NINL: variants seen among roughly 807,000 people sequenced by gnomAD.
The protein encoded by NINL is ninein like, also known as ninein-like protein.
Under a neutral mutation model 160.3 loss-of-function variants are expected in NINL, and 153 were observed. The ratio of observed to expected loss-of-function variants is 0.95; its 90% CI spans 0.84 to 1.09. The LOEUF (loss-of-function observed/expected upper bound fraction) is 1.09. Ranked by LOEUF, NINL falls within the 50% of genes least tolerant of loss-of-function variation. The pLI is 0.00. For missense variants in NINL, 1,829 were observed against 1,764.0 expected, an observed-to-expected ratio of 1.04 and a Z score of -0.66; for synonymous variants, 800 against 734.8, an observed-to-expected ratio of 1.09 and a Z score of -1.43.
chr20:25,564,889 T>C (rs1250435330), intron 1 of NINL, among the ~76,000 whole-genome samples: 1 of 151,098 alleles, frequency 6.6e-6, no homozygotes, highest in Non-Finnish European at 1.5e-5. Flanking sequence ...ACCTAAAAAC[T>C]GAAGAGACAG....
chr20:25,496,732 TTCC>T lies in NINL; in HGVS notation c.1238_1240del (p.Arg413del). The T allele has an allele frequency of 6.2e-7, 1 of 1,613,962 alleles. No individual in the cohort carries two copies. Among genetic ancestry groups the T allele is most frequent in the Non-Finnish European group, 8.5e-7 (1 of 1,180,002 alleles). Reference sequence around the variant, plus strand: ...GTCCATCTCTTTCACAAACTCCAGGTTCCTCTTCTCGGCCCTCTCCAGGTCCTG... The same window carrying T: ...GTCCATCTCTTTCACAAACTCCAGGTTCTTCTCGGCCCTCTCCAGGTCCTG... On this transcript the variant is annotated inframe_deletion, in exon 10 of 24. Coordinates refer to ENST00000278886, the MANE Select transcript of NINL (RefSeq NM_025176.6).
chr20:25,501,414 A>G (rs2063865679), intron 7 of NINL, among the ~76,000 whole-genome samples: 1 of 152,236 alleles, frequency 6.6e-6, no homozygotes, highest in Non-Finnish European at 1.5e-5. Flanking sequence ...TGCCAGCACC[A>G]GGAAAGTCTC....
At chr20:25,501,079 T>C in intron 7 of NINL, 69 bp from the exon 8 acceptor site, 2 of 1,529,808 alleles carry the variant, frequency 1.3e-6, no homozygotes, top group Non-Finnish European at 1.8e-6. Context: ...GCTGATGTGC[T>C]CTCCACCCTC....
At chr20:25,479,305 A>G in intron 15 of NINL, 99 bp from the exon 16 acceptor site, 1 of 1,459,620 alleles carries the variant, frequency 6.9e-7, no homozygotes, top group South Asian at 1.3e-5. Flanking sequence ...CACAACGTGC[A>G]AAGACCGGCA....
chr20:25,584,297 C>A (rs1320143808), intron 1 of NINL, among the ~76,000 whole-genome samples: 2 of 151,890 alleles, frequency 1.3e-5, no homozygotes, highest in African/African-American at 2.4e-5. Context: ...CATGGTGAAA[C>A]CCCCATCTCC....
chr20:25,507,915 T>C (rs1386732987), intron 5 of NINL, among the ~76,000 whole-genome samples: 1 of 152,210 alleles, frequency 6.6e-6, no homozygotes, highest in Non-Finnish European at 1.5e-5. Flanking sequence ...CGAGTGTGTG[T>C]GCACTACCGT....
chr20:25,561,203 G>A (rs985291909), intron 1 of NINL, among the ~76,000 whole-genome samples: 2 of 152,212 alleles, frequency 1.3e-5, no homozygotes, highest in African/African-American at 4.8e-5. Flanking sequence ...CGCCTGACGG[G>A]TTTTCCTATT....
At chr20:25,570,836 G>A (rs1308701242) in intron 1 of NINL, among the ~76,000 whole-genome samples, 1 of 151,210 alleles carries the variant, frequency 6.6e-6, no homozygotes, top group Non-Finnish European at 1.5e-5. Flanking sequence ...TCGAGTAGCT[G>A]GGACTGCAGG....
intron 1 of NINL, among the ~76,000 whole-genome samples, chr20:25,545,061 T>C (rs917314024): frequency 6.6e-6 from 1 of 152,216 alleles, no homozygotes; most frequent in Non-Finnish European, 1.5e-5. Context: ...CAGGAAAACC[T>C]GGGATAGCTC....
At chr20:25,480,998 C>T (rs2063376628) in intron 14 of NINL, among the ~76,000 whole-genome samples, 1 of 152,186 alleles carries the variant, frequency 6.6e-6, no homozygotes, top group African/African-American at 2.4e-5. Context: ...GAGCCTGACT[C>T]CAATCCAGGA....
intron 10 of NINL, among the ~76,000 whole-genome samples, chr20:25,495,358 G>C (rs1188410550): frequency 6.6e-6 from 1 of 152,232 alleles, no homozygotes; most frequent in African/African-American, 2.4e-5. Context: ...CCTGGAGGGT[G>C]CCACACCACG....
chr20:25,502,843 GAGC>G (rs1228684122), intron 7 of NINL, among the ~76,000 whole-genome samples: 1 of 152,164 alleles, frequency 6.6e-6, no homozygotes, highest in Non-Finnish European at 1.5e-5. Context: ...AGAAGCAGCC[GAGC>G]AGACACTGGC....
intron 6 of NINL, among the ~76,000 whole-genome samples, chr20:25,504,348 C>CTTCCCA (rs1477247908): frequency 1.3e-5 from 2 of 152,242 alleles, no homozygotes; most frequent in Non-Finnish European, 2.9e-5. Context: ...GTCACCTGAA[C>CTTCCCA]TTCCCAGTTC....
intron 1 of NINL, among the ~76,000 whole-genome samples, chr20:25,575,063 A>C (rs1048546360): frequency 6.6e-6 from 1 of 152,310 alleles, no homozygotes; most frequent in Admixed American, 6.5e-5. Context: ...AATATAGTAA[A>C]CTTTTTATTG....
chr20:25,565,732 G>A (rs2064991932), intron 1 of NINL, among the ~76,000 whole-genome samples: 1 of 152,184 alleles, frequency 6.6e-6, no homozygotes, highest in African/African-American at 2.4e-5. Flanking sequence ...AGATTAGCAT[G>A]GGAGTCTGAG....
chr20:25,491,411 G>T lies in NINL; in HGVS notation c.1425C>A (p.Asp475Glu), dbSNP rs763823437. Residue 475 changes from aspartate to glutamate, a missense_variant, in exon 11 of 24, where the codon GAC (aspartate) becomes GAA (glutamate). Physicochemically the swap from Asp to Glu is conservative, Grantham distance 45. Coordinates refer to ENST00000278886, the MANE Select transcript of NINL (RefSeq NM_025176.6). The part of the protein sequence containing the change: ...AHRQRAALEW[D>E]VGRLQAEEAG... ...CCTCCTCAGCCTGCAGGCGCCCCAC[G>T]TCCCACTCCAGCGCGGCCCTCTGCC... is the stretch of plus-strand genomic sequence containing the variant. The T allele has an allele frequency of 3.7e-6, 6 of 1,613,022 alleles. No homozygotes were observed. In the African/African-American group the frequency reaches 5.3e-5, roughly 14 times the overall value.
intron 22 of NINL, among the ~76,000 whole-genome samples, chr20:25,457,462 C>A (rs1316886243): frequency 6.6e-6 from 1 of 152,218 alleles, no homozygotes; most frequent in Non-Finnish European, 1.5e-5. Flanking sequence ...TAAATAACTC[C>A]AAAGCGAGCT....
rs548416466 is a variant in NINL at position 25,463,023 on chromosome 20, G to A, written c.3424-482C>T. Among the ~76,000 whole-genome samples, 6 of 152,236 alleles carry A rather than the reference G, an allele frequency of 3.9e-5. No homozygotes were observed. The East Asian group carries it at 9.7e-4, about 25-fold the overall frequency. ...ATATCATTGTAATTGCTCTCAACCAGGTACAACTTTGCTCCTGAGGAAATG... is the reference window on the plus strand; with the variant it reads ...ATATCATTGTAATTGCTCTCAACCAAGTACAACTTTGCTCCTGAGGAAATG... On this transcript the variant is annotated intron_variant, in intron 19 of 23. Coordinates refer to ENST00000278886, the MANE Select transcript of NINL (RefSeq NM_025176.6).
chr20:25,553,806 G>A (rs566422919), intron 1 of NINL, among the ~76,000 whole-genome samples: 5 of 152,328 alleles, frequency 3.3e-5, no homozygotes, highest in South Asian at 4.1e-4. Flanking sequence ...AGGTGACTCC[G>A]TTTCCTGCTC....
Sources: gnomAD v4.1 joint callset for allele counts (sites outside exome capture counted in the v4.1 genomes callset) on GRCh38, gnomAD v4.1.1 for gene constraint, MANE v1.5 for transcripts, NCBI Gene and HGNC (gene_info 2026-07-23, HGNC 2026-07-21) for gene names.